PCSK5: variants seen among roughly 807,000 people sequenced by gnomAD.
The protein encoded by PCSK5 is prohormone convertase 5.
A neutral mutation model predicts 233.2 loss-of-function variants in PCSK5; 129 were observed. The ratio of observed to expected loss-of-function variants is 0.55; its 90% confidence interval spans 0.48 to 0.64. The LOEUF (loss-of-function observed/expected upper bound fraction) is 0.64, where lower values mean the gene tolerates loss of function less well. PCSK5 is among the 30% of genes least tolerant of loss of function. The probability of loss-of-function intolerance (pLI) is 0.00; values close to 1 mark genes in which losing one functional copy is unlikely to be tolerated. For missense variants in PCSK5, 2,076 were observed against 2,430.1 expected (o/e 0.85, Z 3.06); for synonymous variants, 825 against 879.2 (o/e 0.94, Z 1.09).
intron 6 of PCSK5, among the ~76,000 whole-genome samples, chr9:76,069,979 T>C (rs1233264582): frequency 6.6e-6 from 1 of 151,198 alleles, no homozygotes; most frequent in Non-Finnish European, 1.5e-5. Flanking sequence ...TGGACAAACT[T>C]TCCAATTTCC....
intron 30 of PCSK5, among the ~76,000 whole-genome samples, chr9:76,320,417 A>G (rs1470890715): frequency 7.0e-6 from 1 of 142,328 alleles, no homozygotes; most frequent in African/African-American, 2.6e-5. Context: ...TGACACAGCA[A>G]GACTCTGTCT....
chr9:76,214,960 C>A (rs1442516969), intron 20 of PCSK5, among the ~76,000 whole-genome samples: 1 of 152,230 alleles, frequency 6.6e-6, no homozygotes, highest in South Asian at 2.1e-4. Flanking sequence ...ACTTCTTTAG[C>A]CATTTTGCAA....
At chr9:75,962,033 A>G (rs565799803) in intron 2 of PCSK5, among the ~76,000 whole-genome samples, 108 of 152,256 alleles carry the variant, frequency 7.1e-4, no homozygotes, top group African/African-American at 2.4e-3. Flanking sequence ...CTGTGCGGGT[A>G]TGGAAAATAA....
chr9:76,071,838 C>T lies in PCSK5; in HGVS notation c.834C>T (p.Gly278=). 1 of 1,614,132 alleles carries T rather than the reference C, an allele frequency of 6.2e-7. No homozygotes were observed. Among genetic ancestry groups the T allele is most frequent in the East Asian group, 2.2e-5 (1 of 44,876 alleles). ...CCAGCTGGGGCCCGGATGATGATGG[C>T]AAGACTGTGGACGGACCAGCCCCCC... ...YSASWGPDDD[G]KTVDGPAPLT... Residue 278 remains glycine (G), a synonymous_variant, in exon 7 of 38, where the codon GGC becomes GGT. Transcript: ENST00000674117.
chr9:76,221,039 G>T (rs1825714235), intron 20 of PCSK5, among the ~76,000 whole-genome samples: 1 of 152,118 alleles, frequency 6.6e-6, no homozygotes, highest in African/African-American at 2.4e-5. Flanking sequence ...CCTCAACCAA[G>T]TTAATTCATT....
intron 36 of PCSK5, among the ~76,000 whole-genome samples, chr9:76,352,081 T>G (rs1211980276): frequency 6.6e-6 from 1 of 152,058 alleles, no homozygotes; most frequent in Non-Finnish European, 1.5e-5. Flanking sequence ...ATTAAGAAAG[T>G]AGAGGGATAA....
intron 9 of PCSK5, among the ~76,000 whole-genome samples, chr9:76,112,086 C>T (rs1174173269): frequency 6.6e-6 from 1 of 152,136 alleles, no homozygotes; most frequent in Non-Finnish European, 1.5e-5. Flanking sequence ...TCAGCATCAA[C>T]TCAGAAAATA....
intron 1 of PCSK5, among the ~76,000 whole-genome samples, chr9:75,917,109 C>T (rs927425324): frequency 3.5e-5 from 5 of 141,620 alleles, no homozygotes; most frequent in Admixed American, 7.6e-5. Context: ...GTGGAGGTTG[C>T]AGTGAGCCAA....
chr9:76,324,616 C>T (rs1240264905), intron 32 of PCSK5, among the ~76,000 whole-genome samples: 3 of 152,184 alleles, frequency 2.0e-5, no homozygotes. Context: ...TTTCCACTCC[C>T]ACTCAGTCCC....
At chr9:76,064,299 A>AG (rs1830174927) in intron 5 of PCSK5, among the ~76,000 whole-genome samples, 2 of 72,272 alleles carry the variant, frequency 2.8e-5, no homozygotes, top group Non-Finnish European at 5.1e-5. Context: ...ACTTCCCAGT[A>AG]GGGGCGGCCG....
intron 35 of PCSK5, among the ~76,000 whole-genome samples, chr9:76,343,719 C>T (rs1358023730): frequency 6.6e-6 from 1 of 152,152 alleles, no homozygotes; most frequent in Non-Finnish European, 1.5e-5. Context: ...CCATTAGAGT[C>T]ATCACTTCCT....
At chr9:75,994,442 T>TGG in intron 3 of PCSK5, among the ~76,000 whole-genome samples, 1 of 101,808 alleles carries the variant, frequency 9.8e-6, no homozygotes, top group Non-Finnish European at 1.9e-5. Flanking sequence ...TTTTTTTTTT[T>TGG]GAGATGGAGT....
intron 35 of PCSK5, among the ~76,000 whole-genome samples, chr9:76,339,176 C>T (rs1444696744): frequency 6.6e-6 from 1 of 151,982 alleles, no homozygotes; most frequent in East Asian, 1.9e-4. Flanking sequence ...TCATTTTTCT[C>T]TACATCTTGC....
At chr9:75,995,655 A>G (rs893576185) in intron 3 of PCSK5, among the ~76,000 whole-genome samples, 4 of 151,688 alleles carry the variant, frequency 2.6e-5, no homozygotes, top group Non-Finnish European at 5.9e-5. Flanking sequence ...ACAGAGGACT[A>G]TTTCTTTAAC....
intron 3 of PCSK5, among the ~76,000 whole-genome samples, chr9:76,022,876 T>C (rs1828258450): frequency 6.6e-6 from 1 of 152,218 alleles, no homozygotes; most frequent in Non-Finnish European, 1.5e-5. Flanking sequence ...ATTTGTCTAC[T>C]GGCTACAAAT....
intron 6 of PCSK5, among the ~76,000 whole-genome samples, chr9:76,071,237 A>G (rs1457689818): frequency 6.6e-6 from 1 of 152,220 alleles, no homozygotes; most frequent in Non-Finnish European, 1.5e-5. Context: ...AGAAACATGA[A>G]GTTCACATCA....
intron 25 of PCSK5, among the ~76,000 whole-genome samples, chr9:76,295,026 C>T (rs528573462): frequency 6.6e-4 from 101 of 152,124 alleles, no homozygotes; most frequent in African/African-American, 2.3e-3. Context: ...TGGTGGTGTG[C>T]ACCTGTAATC....
chr9:76,227,670 T>G (rs1825941811), intron 21 of PCSK5, 65 bp downstream of exon 21: 13 of 1,015,606 alleles, frequency 1.3e-5, no homozygotes, highest in East Asian at 2.5e-5. Context: ...AGAGAGGAGG[T>G]GCTCACCATC....
chr9:76,345,877 G>A (rs907073163), intron 35 of PCSK5, among the ~76,000 whole-genome samples: 3 of 151,998 alleles, frequency 2.0e-5, no homozygotes, highest in Non-Finnish European at 2.9e-5. Flanking sequence ...GTGCCACCAC[G>A]CCTGGCTAAT....
Sources: gnomAD v4.1 joint callset for allele counts (sites outside exome capture counted in the v4.1 genomes callset) on GRCh38, gnomAD v4.1.1 for gene constraint, MANE v1.5 for transcripts, NCBI Gene and HGNC (gene_info 2026-07-23, HGNC 2026-07-21) for gene names.